Variants in RBFOX1 observed in about 807,000 individuals in gnomAD.
RBFOX1 encodes RNA binding fox-1 homolog 1.
Under a neutral mutation model 57.7 loss-of-function variants are expected in RBFOX1, and 8 were observed. The observed-to-expected ratio is 0.14, with a 90% CI of 0.08 to 0.25. The LOEUF (loss-of-function observed/expected upper bound fraction) is 0.25, where lower values mean the gene tolerates loss of function less well. Ranked by LOEUF, RBFOX1 falls within the 10% of genes least tolerant of loss-of-function variation. The pLI, the probability that RBFOX1 is intolerant of heterozygous loss-of-function variation, is 1.00. For synonymous variants in RBFOX1, 326 were observed against 222.4 expected (o/e 1.47, Z -4.15); for missense variants, 611 against 548.5 (o/e 1.11, Z -1.14).
At chr16:7,090,672 C>A (rs187597351) in intron 4 of RBFOX1, among the ~76,000 whole-genome samples, 11 of 151,142 alleles carry the variant, frequency 7.3e-5, no homozygotes, top group Admixed American at 3.9e-4. Context: ...GTACAGGTTG[C>A]TGTACAGGGG....
At chr16:7,704,321 T>C (rs2081722996) in intron 14 of RBFOX1, among the ~76,000 whole-genome samples, 1 of 152,222 alleles carries the variant, frequency 6.6e-6, no homozygotes, top group Admixed American at 6.5e-5. Flanking sequence ...AGTTTTTCCC[T>C]GAAGGCTTTT....
chr16:5,382,392 CTTTT>C (rs34198517), intron 1 of RBFOX1, among the ~76,000 whole-genome samples: 1 of 147,886 alleles, frequency 6.8e-6, no homozygotes, highest in African/African-American at 2.5e-5. Context: ...CCATTTTCAT[CTTTT>C]TTTTTTTTCA....
At chr16:5,808,765 A>AT (rs2055317349) in intron 3 of RBFOX1, among the ~76,000 whole-genome samples, 1 of 152,144 alleles carries the variant, frequency 6.6e-6, no homozygotes, top group Non-Finnish European at 1.5e-5. Flanking sequence ...TTGTGCATTG[A>AT]TTTTGTATCC....
rs139767623 is a variant in RBFOX1 at position 7,539,127 on chromosome 16, C to A, written c.270+20738C>A. ...AGATTCAAGGAGAGGGGAAAAGACT[C>A]CACCTTTGACTAGGAGATATGACAA... is the stretch of plus-strand genomic sequence containing the variant. On this transcript the variant is annotated intron_variant, in intron 5 of 15. Coordinates refer to ENST00000550418, the MANE Select transcript of RBFOX1 (RefSeq NM_018723.4). Among the ~76,000 whole-genome samples, 531 of 152,272 alleles carry A rather than the reference C, an allele frequency of 3.5e-3. 1 individual carries two copies. Among genetic ancestry groups the A allele is most frequent in the Non-Finnish European group, 6.0e-3 (407 of 68,026 alleles).
intron 4 of RBFOX1, among the ~76,000 whole-genome samples, chr16:7,220,270 G>A (rs1293749761): frequency 6.6e-6 from 1 of 152,178 alleles, no homozygotes; most frequent in African/African-American, 2.4e-5. Flanking sequence ...GTGGGCGTCT[G>A]GTCCTGCCCA....
chr16:6,015,088 C>T (rs1465340508), upstream of RBFOX1, among the ~76,000 whole-genome samples: 1 of 152,126 alleles, frequency 6.6e-6, no homozygotes, highest in Non-Finnish European at 1.5e-5. Context: ...AACTCCTAGG[C>T]TCAAGCAGTC....
At chr16:5,651,694 C>T (rs1048638073) in intron 3 of RBFOX1, among the ~76,000 whole-genome samples, 7 of 152,126 alleles carry the variant, frequency 4.6e-5, no homozygotes, top group Non-Finnish European at 8.8e-5. Flanking sequence ...TAACTGATTC[C>T]GCATGGATAC....
At chr16:5,282,504 T>C (rs1212968848) in intron 1 of RBFOX1, among the ~76,000 whole-genome samples, 1 of 152,190 alleles carries the variant, frequency 6.6e-6, no homozygotes, top group Non-Finnish European at 1.5e-5. Context: ...CCCAAAATGC[T>C]GATAGTTATA....
intron 3 of RBFOX1, among the ~76,000 whole-genome samples, chr16:5,653,618 A>G (rs1304756908): frequency 6.6e-6 from 1 of 152,138 alleles, no homozygotes; most frequent in Non-Finnish European, 1.5e-5. Context: ...CTCCGCTAAC[A>G]GACCAGAAGC....
At chr16:6,946,583 G>A (rs1041822088) in intron 3 of RBFOX1, among the ~76,000 whole-genome samples, 2 of 152,042 alleles carry the variant, frequency 1.3e-5, no homozygotes, top group African/African-American at 4.8e-5. Context: ...TGTTCTCCAA[G>A]AACCTTTTTT....
chr16:7,708,130 G>GGA (rs1422440658), intron 14 of RBFOX1, among the ~76,000 whole-genome samples: 1 of 152,006 alleles, frequency 6.6e-6, no homozygotes, highest in Non-Finnish European at 1.5e-5. Flanking sequence ...CTTGAACCCT[G>GGA]GAGTTTTGAA....
At chr16:5,347,996 C>T (rs1326721628) in intron 1 of RBFOX1, among the ~76,000 whole-genome samples, 2 of 148,854 alleles carry the variant, frequency 1.3e-5, no homozygotes, top group Non-Finnish European at 3.0e-5. Context: ...TCTACCTGCC[C>T]ATCCATCCAT....
At chr16:6,546,345 C>T (rs559315821) in intron 2 of RBFOX1, among the ~76,000 whole-genome samples, 63 of 152,308 alleles carry the variant, frequency 4.1e-4, no homozygotes, top group African/African-American at 1.5e-3. Flanking sequence ...TAGTTAGTAT[C>T]ACAAACTGGG....
At chr16:6,256,699 G>A (rs983604598) in intron 1 of RBFOX1, among the ~76,000 whole-genome samples, 1 of 152,094 alleles carries the variant, frequency 6.6e-6, no homozygotes, top group Non-Finnish European at 1.5e-5. Flanking sequence ...ACACTTCGTA[G>A]CATCCCCGGC....
chr16:6,293,125 T>C (rs2077646725), intron 1 of RBFOX1, among the ~76,000 whole-genome samples: 1 of 152,218 alleles, frequency 6.6e-6, no homozygotes, highest in Non-Finnish European at 1.5e-5. Context: ...CACTATGTGC[T>C]TTACATATGC....
In RBFOX1 at chr16:7,430,891, G is replaced by C. The variant is rs1048852678; in HGVS notation, c.28-87256G>C. 2.0e-5 allele frequency among the ~76,000 whole-genome samples: 3 copies of C among 152,206 alleles called. No homozygotes were observed. The East Asian group carries it at 5.8e-4, about 29-fold the overall frequency. ...GAATATTAAATAACGTGTATGATGT[G>C]ACTGGAAAAGAACCAGACGTAGGGA... On this transcript the variant is annotated intron_variant, in intron 4 of 15. Coordinates refer to ENST00000550418, the MANE Select transcript of RBFOX1 (RefSeq NM_018723.4).
chr16:6,715,046 A>G (rs2064502863), intron 3 of RBFOX1, among the ~76,000 whole-genome samples: 1 of 152,094 alleles, frequency 6.6e-6, no homozygotes, highest in South Asian at 2.1e-4. Flanking sequence ...AGAAATCCAT[A>G]TTTGGGATTA....
chr16:6,906,179 C>G (rs1348048963), intron 3 of RBFOX1, among the ~76,000 whole-genome samples: 1 of 152,004 alleles, frequency 6.6e-6, no homozygotes, highest in African/African-American at 2.4e-5. Flanking sequence ...TTAGAGAAAA[C>G]GTCGAAGCAG....
rs140545283 is a variant in RBFOX1, at chr16:6,661,691, G to C, written c.-16+7041G>C. On this transcript the variant is annotated intron_variant, in intron 3 of 15. Transcript: ENST00000550418. ...TGCAGGAAGCTGAACACTTTGATTCGAGCAAGACGAAGTCAGCCAGGACCC... is the reference window on the plus strand; with the variant it reads ...TGCAGGAAGCTGAACACTTTGATTCCAGCAAGACGAAGTCAGCCAGGACCC... Among the ~76,000 whole-genome samples, 627 of 152,312 alleles carry C rather than the reference G, an allele frequency of 4.1e-3. 4 individuals carry two copies. The highest frequency in any genetic ancestry group is 0.017 in the Middle Eastern group (5 of 294).
Sources: gnomAD v4.1 joint callset for allele counts (sites outside exome capture counted in the v4.1 genomes callset) on GRCh38, gnomAD v4.1.1 for gene constraint, MANE v1.5 for transcripts, NCBI Gene and HGNC (gene_info 2026-07-23, HGNC 2026-07-21) for gene names.